Variants in ANP32E observed in about 807,000 individuals in gnomAD.
The protein encoded by ANP32E is acidic nuclear phosphoprotein 32 family member E, also known as acidic leucine-rich nuclear phosphoprotein 32 family member E.
In ANP32E, 14 loss-of-function variants were observed where a neutral mutation model predicts 35.3. The observed-to-expected ratio is 0.40, with a 90% CI of 0.26 to 0.62. ANP32E has a LOEUF of 0.62. ANP32E is among the 20% of genes least tolerant of loss of function. ANP32E has a pLI of 0.45. For synonymous variants in ANP32E, 89 were observed against 110.4 expected, an observed-to-expected ratio of 0.81 and a Z score of 1.22; for missense variants, 198 against 304.4, an observed-to-expected ratio of 0.65 and a Z score of 2.60.
chr1:150,234,606 G>T (rs1560007677), intron 1 of ANP32E: 16 of 985,470 alleles, frequency 1.6e-5, no homozygotes, highest in Non-Finnish European at 1.9e-5. Flanking sequence ...ATTTCAGCAA[G>T]ACTGATGCTT....
rs1553836493 is a variant in ANP32E at position 150,218,531 on chromosome 1, G to A, written c.*2160C>T. The A allele has an allele frequency of 6.6e-6, 1 of 152,558 alleles. No individual in the cohort carries two copies. Among genetic ancestry groups the A allele is most frequent in the Non-Finnish European group, 1.5e-5 (1 of 68,020 alleles). 9.5% of individuals were successfully genotyped at this position (152,558 alleles called of 1,614,324 possible). On this transcript the variant is annotated 3_prime_UTR_variant, in exon 7 of 7. Coordinates refer to ENST00000583931, the MANE Select transcript of ANP32E (RefSeq NM_030920.5). ...GTCAAAAACAATAAAAGAATAATCA[G>A]GAGTACTGCAAATTTTTTTGTTTGT... is the stretch of plus-strand genomic sequence containing the variant.
chr1:150,228,746 T>C (rs1293543142), intron 4 of ANP32E, among the ~76,000 whole-genome samples: 3 of 152,074 alleles, frequency 2.0e-5, no homozygotes, highest in African/African-American at 7.2e-5. Flanking sequence ...ACTTGGGTTG[T>C]TTCTACTTTC....
chr1:150,221,970 G>C (rs931563517), intron 6 of ANP32E, among the ~76,000 whole-genome samples: 6 of 152,088 alleles, frequency 3.9e-5, no homozygotes, highest in African/African-American at 1.4e-4. Flanking sequence ...GGCACCTGTA[G>C]TCTCAGCTAC....
chr1:150,231,923 T>C lies in ANP32E; in HGVS notation c.58A>G (p.Thr20Ala). ...AGGCAATTATCAAGGACTAACTCTG[T>C]CACCTGTAAGAGGGAAAACATTAAT... Reference protein sequence around the residue: ...ELRNRSPEEVTELVLDNCLCV... With the variant: ...ELRNRSPEEVAELVLDNCLCV... The change falls in exon 2 of 7, where the codon ACA (threonine) becomes GCA (alanine). Residue 20 changes from threonine (T) to alanine (A), a missense_variant. Thr to Ala is a moderately conservative substitution (Grantham distance 58, BLOSUM62 0). This residue lies in a region of ANP32E where 35 missense variants were observed against 47.6 expected (regional missense o/e 0.74). Transcript: ENST00000583931. The C allele has an allele frequency of 6.2e-7, 1 of 1,610,380 alleles. No individual in the cohort carries two copies. Among genetic ancestry groups the C allele is most frequent in the Non-Finnish European group, 8.5e-7 (1 of 1,179,080 alleles).
intron 1 of ANP32E, among the ~76,000 whole-genome samples, chr1:150,232,596 G>C (rs1454906507): frequency 1.3e-5 from 2 of 150,924 alleles, no homozygotes; most frequent in African/African-American, 4.9e-5. Flanking sequence ...TCAGCCTCTG[G>C]AGTAGCTGGG....
At chr1:150,224,580 G>GA (rs1320160965) in intron 5 of ANP32E, among the ~76,000 whole-genome samples, 150,352 of 150,446 alleles carry the variant, frequency 1, 75,130 homozygotes, top group Middle Eastern at 1. Flanking sequence ...TCTCAAAAAA[G>GA]AAAAAAAAAG....
At chr1:150,232,139 T>C (rs1393501250) in intron 1 of ANP32E, among the ~76,000 whole-genome samples, 3 of 151,256 alleles carry the variant, frequency 2.0e-5, no homozygotes, top group Non-Finnish European at 4.4e-5. Context: ...GGTCAGGAGA[T>C]CGAGACCATC....
rs1009693531 is a variant in ANP32E at position 150,219,605 on chromosome 1, G to A, written c.*1086C>T. 8 of 152,056 alleles carry A rather than the reference G, an allele frequency of 5.3e-5. No homozygotes were observed. Among genetic ancestry groups the A allele is most frequent in the South Asian group, 2.1e-4 (1 of 4,822 alleles). The allele number at this position is 152,056 out of a possible 1,614,324, so 9.4% of individuals were successfully genotyped here. Reference sequence around the variant, plus strand: ...TAATATATCAACAGGCAATTGTTCCGACTTTTGAGGAACACTAACACTGCT... The same window carrying A: ...TAATATATCAACAGGCAATTGTTCCAACTTTTGAGGAACACTAACACTGCT... On this transcript the variant is annotated 3_prime_UTR_variant, in exon 7 of 7. Coordinates refer to ENST00000583931, the MANE Select transcript of ANP32E (RefSeq NM_030920.5).
chr1:150,235,456 G>GC lies in ANP32E; in HGVS notation c.54+276dup, dbSNP rs1235727225. Among the ~76,000 whole-genome samples, 3 of 152,272 alleles carry GC rather than the reference G, an allele frequency of 2.0e-5. No individual in the cohort carries two copies. Among genetic ancestry groups the GC allele is most frequent in the African/African-American group, 7.2e-5 (3 of 41,572 alleles). On this transcript the variant is annotated intron_variant, in intron 1 of 6. Transcript: ENST00000583931. The surrounding 1 kb of genome is among the most constrained non-coding windows in gnomAD (Gnocchi z 4.2). ...GAGCGCCCCCACCAGCCCGCTTCCC[G>GC]CCCCCACGAGGTCAGGACGCCCGAC... is the stretch of plus-strand genomic sequence containing the variant.
intron 1 of ANP32E, among the ~76,000 whole-genome samples, chr1:150,233,264 CAAAAA>C (rs60732970): frequency 4.8e-3 from 418 of 86,372 alleles, no homozygotes; most frequent in Middle Eastern, 6.2e-3. Flanking sequence ...GACTCTATCT[CAAAAA>C]AAAAAAAAAA....
At chr1:150,224,223 CAAGAA>C (rs1188827605) in intron 5 of ANP32E, among the ~76,000 whole-genome samples, 1 of 151,392 alleles carries the variant, frequency 6.6e-6, no homozygotes, top group Admixed American at 6.6e-5. Context: ...GAAGGAGAGA[CAAGAA>C]AAAAAGGGGA....
rs1649735780 is a variant in ANP32E at position 150,235,801 on chromosome 1, C to T, written c.-15G>A. On this transcript the variant is annotated 5_prime_UTR_variant, in exon 1 of 7. Coordinates refer to ENST00000583931, the MANE Select transcript of ANP32E (RefSeq NM_030920.5). The surrounding 1 kb of genome is among the most constrained non-coding windows in gnomAD (Gnocchi z 4.2). Reference sequence around the variant, plus strand: ...TTCATCTCCATGTCCTCCTCTTGCTCTTCAGCTACTACTCTCCTTTTCCCT... The same window carrying T: ...TTCATCTCCATGTCCTCCTCTTGCTTTTCAGCTACTACTCTCCTTTTCCCT... 6.4e-7 allele frequency: 1 copy of T among 1,564,396 alleles called. No homozygotes were observed. The highest frequency in any genetic ancestry group is 8.7e-7 in the Non-Finnish European group (1 of 1,145,068).
rs1237765294 is a variant in ANP32E at position 150,218,444 on chromosome 1, T to C, written c.*2247A>G. On this transcript the variant is annotated 3_prime_UTR_variant, in exon 7 of 7. Transcript: ENST00000583931. ...ATCATTATAACAAATCTTCAATTTA[T>C]TTGAAGCAATTCAGTTTCAAAAACT... 6.6e-6 allele frequency: 1 copy of C among 152,534 alleles called. No homozygotes were observed. Among genetic ancestry groups the C allele is most frequent in the Non-Finnish European group, 1.5e-5 (1 of 68,044 alleles). 9.4% of individuals were successfully genotyped at this position (152,534 alleles called of 1,614,324 possible).
chr1:150,223,045 A>G (rs1230397842), intron 6 of ANP32E, 141 bp downstream of exon 6: 27 of 1,033,498 alleles, frequency 2.6e-5, no homozygotes, highest in Non-Finnish European at 3.7e-5. Context: ...AAGGCACTCT[A>G]TGATAAAGCA....
chr1:150,229,302 T>TTC (rs1553841045), intron 3 of ANP32E, 65 bp from the exon 4 acceptor site: 167 of 961,700 alleles, frequency 1.7e-4, no homozygotes, highest in Admixed American at 5.6e-4. Flanking sequence ...TTTTTTCTTT[T>TTC]TTTTTTTTTT....
intron 2 of ANP32E, 56 bp downstream of exon 2, chr1:150,231,721 C>G: frequency 6.8e-7 from 1 of 1,461,322 alleles, no homozygotes; most frequent in South Asian, 1.3e-5. Context: ...TGGCCAAACA[C>G]TAGACATATA....
intron 3 of ANP32E, 89 bp from the exon 4 acceptor site, chr1:150,229,326 G>T: frequency 1.3e-6 from 1 of 755,066 alleles, no homozygotes; most frequent in Non-Finnish European, 2.0e-6. Context: ...TTGAGACGGA[G>T]TCTAGCTCTG....
In ANP32E at chr1:150,235,435, G is replaced by A. The variant is rs1471199922; in HGVS notation, c.54+298C>T. The stretch of plus-strand genomic sequence containing the variant: ...AGTGCCGGGAGCGAAGCGGCGGAGC[G>A]CCCCCACCAGCCCGCTTCCCGCCCC... On this transcript the variant is annotated intron_variant, in intron 1 of 6. Coordinates refer to ENST00000583931, the MANE Select transcript of ANP32E (RefSeq NM_030920.5). This position sits in a 1 kb window ranked among gnomAD's most constrained non-coding sequence, Gnocchi z 4.2. Among the ~76,000 whole-genome samples the A allele has an allele frequency of 6.6e-6, 1 of 152,076 alleles. No individual in the cohort carries two copies. Among genetic ancestry groups the A allele is most frequent in the African/African-American group, 2.4e-5 (1 of 41,410 alleles).
At chr1:150,223,436 T>G in intron 5 of ANP32E, 196 bp from the exon 6 acceptor site, 1 of 586,078 alleles carries the variant, frequency 1.7e-6, no homozygotes, top group Non-Finnish European at 2.8e-6. Context: ...ATCCCAGTAC[T>G]TTGGGAGGCC....
Sources: allele counts gnomAD v4.1 joint callset (sites outside exome capture counted in the v4.1 genomes callset), GRCh38; gene constraint gnomAD v4.1.1; regional missense constraint gnomAD v4.1.1; non-coding constraint Gnocchi (gnomAD v3.1); transcripts MANE v1.5; gene names NCBI Gene and HGNC (gene_info 2026-07-23, HGNC 2026-07-21).